USP6NL: variants seen among roughly 807,000 people sequenced by gnomAD.
The protein encoded by USP6NL is USP6 N-terminal like.
In USP6NL, 26 loss-of-function variants were observed where a neutral mutation model predicts 61.9. The ratio of observed to expected loss-of-function variants is 0.42; its 90% CI spans 0.31 to 0.58. The LOEUF (loss-of-function observed/expected upper bound fraction) is 0.58. USP6NL is among the 20% of genes least tolerant of loss of function. The pLI, the probability that USP6NL is intolerant of heterozygous loss-of-function variation, is 0.16. For missense variants in USP6NL, 1,114 were observed against 1,034.3 expected (o/e 1.08, Z -1.06); for synonymous variants, 432 against 390.1 (o/e 1.11, Z -1.27).
At chr10:11,555,451 T>TATATATATATATATATAG (rs1427219382) in intron 2 of USP6NL, among the ~76,000 whole-genome samples, 4 of 61,000 alleles carry the variant, frequency 6.6e-5, no homozygotes, top group Admixed American at 2.4e-4. Flanking sequence ...TATATATATA[T>TATATATATATATATATAG]AGAGAGAGAG....
At chr10:11,555,415 TAAA>T (rs558901276) in intron 2 of USP6NL, among the ~76,000 whole-genome samples, 3,108 of 26,894 alleles carry the variant, frequency 0.12, 180 homozygotes, top group Middle Eastern at 0.24. Context: ...AACTCGGTCT[TAAA>T]AAAAAAAAAA....
chr10:11,550,573 TG>T (rs1007702464), intron 2 of USP6NL, among the ~76,000 whole-genome samples: 2 of 151,950 alleles, frequency 1.3e-5, no homozygotes, highest in African/African-American at 2.4e-5. Flanking sequence ...CCAGCCAACA[TG>T]GTGAAACCCT....
intron 2 of USP6NL, among the ~76,000 whole-genome samples, chr10:11,546,408 A>G (rs1836272281): frequency 6.6e-6 from 1 of 151,754 alleles, no homozygotes; most frequent in African/African-American, 2.4e-5. Flanking sequence ...ATTTTTCTTT[A>G]TTTTATTTTT....
intron 2 of USP6NL, among the ~76,000 whole-genome samples, chr10:11,590,149 T>G (rs892060347): frequency 6.6e-6 from 1 of 152,164 alleles, no homozygotes; most frequent in Non-Finnish European, 1.5e-5. Context: ...GGGAAGACAT[T>G]TTCACTCTAT....
rs1838341245 is a variant in USP6NL at position 11,596,713 on chromosome 10, T to C, written c.4+918A>G. Among the ~76,000 whole-genome samples the C allele has an allele frequency of 6.6e-6, 1 of 151,964 alleles. No individual in the cohort carries two copies. Among genetic ancestry groups the C allele is most frequent in the Non-Finnish European group, 1.5e-5 (1 of 67,990 alleles). The stretch of plus-strand genomic sequence containing the variant: ...TTCAAAGTACACTACCGAAAAAGTA[T>C]ACCACTGAAAAGTCAAAAATCAAAG... On this transcript the variant is annotated intron_variant, in intron 2 of 14. Transcript: ENST00000609104. The surrounding 1 kb of genome is among the most constrained non-coding windows in gnomAD (Gnocchi z 4.1).
intron 10 of USP6NL, among the ~76,000 whole-genome samples, chr10:11,488,039 TA>T (rs1833547134): frequency 6.6e-6 from 1 of 152,226 alleles, no homozygotes; most frequent in Non-Finnish European, 1.5e-5. Context: ...TAACTAGTGT[TA>T]AAATCATTTA....
Position 11,463,078 on chromosome 10 carries a change from G to C in USP6NL, c.1850C>G (p.Ser617Cys). ...CCCTCGGGCTTCCCCATCTAGCTGGGACGGATATCGTGCATGACTTGGAGG... is the reference window on the plus strand; with the variant it reads ...CCCTCGGGCTTCCCCATCTAGCTGGCACGGATATCGTGCATGACTTGGAGG... ...VQPPSHARYP[S>C]QLDGEARGLA... Residue 617 changes from serine to cysteine, a missense_variant, in exon 15 of 15, where the codon TCC becomes TGC. By Grantham distance (112) the Ser-to-Cys change is moderately radical. Coordinates refer to ENST00000609104, the MANE Select transcript of USP6NL (RefSeq NM_014688.5). This position sits in a 1 kb window ranked among gnomAD's most constrained non-coding sequence, Gnocchi z 6.3. The C allele has an allele frequency of 6.2e-7, 1 of 1,614,048 alleles. No homozygotes were observed. Among genetic ancestry groups the C allele is most frequent in the Non-Finnish European group, 8.5e-7 (1 of 1,179,902 alleles).
At chr10:11,508,522 T>C (rs751869819) in intron 6 of USP6NL, among the ~76,000 whole-genome samples, 6 of 152,254 alleles carry the variant, frequency 3.9e-5, no homozygotes, top group African/African-American at 1.4e-4. Context: ...TACCGGCTCT[T>C]GGAACTAATC....
In USP6NL at chr10:11,600,596, C is replaced by T. The variant is rs1335928329; in HGVS notation, c.-83-2879G>A. Among the ~76,000 whole-genome samples the T allele has an allele frequency of 6.6e-6, 1 of 152,144 alleles. No homozygotes were observed. Among genetic ancestry groups the T allele is most frequent in the Non-Finnish European group, 1.5e-5 (1 of 68,034 alleles). ...TTTAAAAATTTTCTAGTTAAAAAGACTATTTTAAAAGTCTAGCCATATTTC... is the reference window on the plus strand; with the variant it reads ...TTTAAAAATTTTCTAGTTAAAAAGATTATTTTAAAAGTCTAGCCATATTTC... On this transcript the variant is annotated intron_variant, in intron 1 of 14. Transcript: ENST00000609104. This position sits in a 1 kb window ranked among gnomAD's most constrained non-coding sequence, Gnocchi z 4.1.
Position 11,532,408 on chromosome 10 carries a change from A to T in USP6NL, c.5-4841T>A. 1.9e-6 allele frequency: 1 copy of T among 536,686 alleles called. No individual in the cohort carries two copies. The highest frequency in any genetic ancestry group is 3.2e-6 in the Non-Finnish European group (1 of 309,168). The allele number at this position is 536,686 out of a possible 1,614,324, so 33.2% of individuals were successfully genotyped here. On this transcript the variant is annotated intron_variant, in intron 2 of 14. Coordinates refer to ENST00000609104, the MANE Select transcript of USP6NL (RefSeq NM_014688.5). The surrounding 1 kb of genome is among the most constrained non-coding windows in gnomAD (Gnocchi z 4.1). ...CACAAGAAGAAAAAGTTTGAGATGC[A>T]CTCTGTCTTCTTCTAAGGGAGAAAA... is the stretch of plus-strand genomic sequence containing the variant.
At chr10:11,608,005 T>G (rs1347067431) in intron 1 of USP6NL, among the ~76,000 whole-genome samples, 1 of 152,216 alleles carries the variant, frequency 6.6e-6, no homozygotes, top group Non-Finnish European at 1.5e-5. Context: ...GAGTAACTCC[T>G]GATCTTTCTG....
intron 5 of USP6NL, among the ~76,000 whole-genome samples, chr10:11,514,565 T>C (rs1834875238): frequency 6.6e-6 from 1 of 152,112 alleles, no homozygotes; most frequent in Non-Finnish European, 1.5e-5. Context: ...AGTGGCAATG[T>C]CTCCCCTTCA....
Position 11,562,800 on chromosome 10 carries a change from T to C in USP6NL, c.4+34831A>G, listed in dbSNP as rs1269657907. The stretch of plus-strand genomic sequence containing the variant: ...GCCTAATTTCTCAGTATTCTAGTTT[T>C]ATTAGGCATTAGTAAATAAGTTTTA... On this transcript the variant is annotated intron_variant, in intron 2 of 14. Transcript: ENST00000609104. The surrounding 1 kb of genome is among the most constrained non-coding windows in gnomAD (Gnocchi z 4.8). 1 of 983,550 alleles carries C rather than the reference T, an allele frequency of 1.0e-6. No individual in the cohort carries two copies. The highest frequency in any genetic ancestry group is 1.7e-5 in the African/African-American group (1 of 57,210). 60.9% of individuals were successfully genotyped at this position (983,550 alleles called of 1,614,324 possible).
intron 2 of USP6NL, among the ~76,000 whole-genome samples, chr10:11,559,163 C>A (rs890948001): frequency 6.6e-6 from 1 of 152,048 alleles, no homozygotes; most frequent in Non-Finnish European, 1.5e-5. Context: ...CCAGGTACTA[C>A]ATATGCAGTA....
chr10:11,586,791 CCTAAA>C (rs59584206), intron 2 of USP6NL, among the ~76,000 whole-genome samples: 64,762 of 151,278 alleles, frequency 0.43, 14,228 homozygotes, highest in Middle Eastern at 0.53. Context: ...GGAGTACTTG[CCTAAA>C]CTAAACTTAA....
intron 7 of USP6NL, 31 bp downstream of exon 7, chr10:11,501,070 T>G (rs755572906): frequency 4.0e-6 from 6 of 1,501,230 alleles, no homozygotes; most frequent in Non-Finnish European, 5.4e-6. Flanking sequence ...CTTTTTAATT[T>G]CAAAATAACA....
intron 5 of USP6NL, among the ~76,000 whole-genome samples, chr10:11,517,303 A>C (rs1430058255): frequency 6.6e-6 from 1 of 152,206 alleles, no homozygotes; most frequent in Admixed American, 6.5e-5. Flanking sequence ...AGGGGCATTT[A>C]CCAACTTCTC....
In USP6NL at chr10:11,602,002, A is replaced by G. The variant is rs1237452092; in HGVS notation, c.-83-4285T>C. Among the ~76,000 whole-genome samples the G allele has an allele frequency of 3.3e-5, 5 of 152,222 alleles. No individual in the cohort carries two copies. Among genetic ancestry groups the G allele is most frequent in the Non-Finnish European group, 5.9e-5 (4 of 68,036 alleles). ...CCCCCTAAAAAAGAAAGAAAAAAAA[A>G]GAAGAAAATGTCCTTCATTGATGTA... On this transcript the variant is annotated intron_variant, in intron 1 of 14. Coordinates refer to ENST00000609104, the MANE Select transcript of USP6NL (RefSeq NM_014688.5). This position sits in a 1 kb window ranked among gnomAD's most constrained non-coding sequence, Gnocchi z 4.8.
Position 11,482,135 on chromosome 10 carries a change from C to T in USP6NL, c.926-213G>A, listed in dbSNP as rs1247244190. On this transcript the variant is annotated intron_variant, in intron 13 of 14. Transcript: ENST00000609104. The surrounding 1 kb of genome is among the most constrained non-coding windows in gnomAD (Gnocchi z 4.0). ...CCACAGAGAAAAGCAGGAAAGTTTA[C>T]TGGGAGAAAGGATGGGAGGAGAATA... Among the ~76,000 whole-genome samples the T allele has an allele frequency of 6.6e-6, 1 of 152,110 alleles. No individual in the cohort carries two copies. Among genetic ancestry groups the T allele is most frequent in the African/African-American group, 2.4e-5 (1 of 41,410 alleles).
Sources: gnomAD v4.1 joint callset for allele counts (sites outside exome capture counted in the v4.1 genomes callset) on GRCh38, gnomAD v4.1.1 for gene constraint, Gnocchi (gnomAD v3.1) non-coding constraint, MANE v1.5 for transcripts, NCBI Gene and HGNC (gene_info 2026-07-23, HGNC 2026-07-21) for gene names.